DNAH6: variants seen among roughly 807,000 people sequenced by gnomAD.
DNAH6 encodes the protein axonemal beta dynein heavy chain 6.
Under a neutral mutation model 491.4 loss-of-function variants are expected in DNAH6, and 340 were observed. That is an observed-to-expected ratio of 0.69 (90% CI 0.63 to 0.76). The LOEUF is 0.76. DNAH6 is among the 30% of genes least tolerant of loss of function. DNAH6 has a pLI of 0.00. For synonymous variants in DNAH6, 1,603 were observed against 1,686.1 expected, an observed-to-expected ratio of 0.95 and a Z score of 1.21; for missense variants, 4,443 against 4,972.2, an observed-to-expected ratio of 0.89 and a Z score of 3.20.
intron 64 of DNAH6, among the ~76,000 whole-genome samples, chr2:84,767,758 CTG>C (rs1259620434): frequency 6.6e-6 from 1 of 151,954 alleles, no homozygotes; most frequent in East Asian, 1.9e-4. Flanking sequence ...TAAACAATGA[CTG>C]AGAATTTTCC....
chr2:84,529,871 A>G (rs1289985852), intron 4 of DNAH6, among the ~76,000 whole-genome samples: 1 of 152,154 alleles, frequency 6.6e-6, no homozygotes, highest in Non-Finnish European at 1.5e-5. Context: ...ATTCTCCCTT[A>G]TTCAGCACCA....
chr2:84,692,677 G>A (rs1234094908), intron 45 of DNAH6, among the ~76,000 whole-genome samples: 1 of 152,090 alleles, frequency 6.6e-6, no homozygotes, highest in Non-Finnish European at 1.5e-5. Flanking sequence ...GTATAGAGTT[G>A]ATTCTCATAC....
At chr2:84,627,930 A>T (rs548845265) in intron 29 of DNAH6, among the ~76,000 whole-genome samples, 60 of 152,360 alleles carry the variant, frequency 3.9e-4, no homozygotes, top group African/African-American at 1.3e-3. Context: ...TTACTGAGAT[A>T]GTGGGATATC....
chr2:84,699,593 G>C lies in DNAH6; in HGVS notation c.7678-1G>C. 4 of 1,544,300 alleles carry C rather than the reference G, an allele frequency of 2.6e-6. No homozygotes were observed. The highest frequency in any genetic ancestry group is 2.6e-6 in the Non-Finnish European group (3 of 1,143,958). ...TGAAAAAATAACTTTCTTTTTGTCA[G>C]GTGTTTCAATACTTTATCAGCAAAG... is the stretch of plus-strand genomic sequence containing the variant. On this transcript the variant is annotated splice_acceptor_variant, in intron 47 of 76. Coordinates refer to ENST00000389394, the MANE Select transcript of DNAH6 (RefSeq NM_001370.2). LOFTEE classifies it high-confidence loss of function.
intron 44 of DNAH6, among the ~76,000 whole-genome samples, chr2:84,687,871 A>G (rs1694433881): frequency 1.3e-5 from 2 of 152,330 alleles, no homozygotes; most frequent in South Asian, 4.1e-4. Context: ...GATTTTTTAT[A>G]ATAATAGCAG....
chr2:84,620,854 C>A (rs1009254998), intron 24 of DNAH6, among the ~76,000 whole-genome samples: 1 of 152,146 alleles, frequency 6.6e-6, no homozygotes, highest in African/African-American at 2.4e-5. Context: ...GTCATTTGGA[C>A]TTTTCAGTTG....
At position 84,705,669 on chromosome 2, in the gene DNAH6, G is replaced by A. The variant is rs566477121; in HGVS notation, c.8649G>A (p.Met2883Ile). 10 of 1,551,770 alleles carry A rather than the reference G, an allele frequency of 6.4e-6. No individual in the cohort carries two copies. In the East Asian group the frequency reaches 2.4e-4, roughly 38 times the overall value. Residue 2883 changes from methionine (M) to isoleucine (I), a missense_variant, in exon 52 of 77, where the codon ATG (methionine) becomes ATA (isoleucine). Physicochemically the swap from Met to Ile is conservative, Grantham distance 10. Around this residue, in one of 3 missense-constraint regions of DNAH6, gnomAD observed 1,463 missense variants for 1,656.6 expected, o/e 0.88. Coordinates refer to ENST00000389394, the MANE Select transcript of DNAH6 (RefSeq NM_001370.2). ...KVSKACKSMCMWVRAMDLYSR... is the reference protein window; with the variant it reads ...KVSKACKSMCIWVRAMDLYSR... The stretch of plus-strand genomic sequence containing the variant: ...CCAAAGCATGTAAATCTATGTGCAT[G>A]TGGGTAAGAGCTATGGATTTGTACT...
In DNAH6 at chr2:84,579,677, C is replaced by T. The variant is rs147579173; in HGVS notation, c.2227C>T (p.Arg743Trp). The T allele has an allele frequency of 4.4e-5, 70 of 1,578,600 alleles. No individual in the cohort carries two copies. Among genetic ancestry groups the T allele is most frequent in the African/African-American group, 6.8e-5 (5 of 73,136 alleles). Reference protein sequence around the residue: ...SLLFLDEIQERIESLEDEGNI... With the variant: ...SLLFLDEIQEWIESLEDEGNI... Reference sequence around the variant, plus strand: ...ATTATTTCTTGATGAAATTCAGGAACGGGTGAGTTGATTATCTCATATAAC... The same window carrying T: ...ATTATTTCTTGATGAAATTCAGGAATGGGTGAGTTGATTATCTCATATAAC... Residue 743 changes from arginine to tryptophan, a missense_variant and splice_region_variant, in exon 14 of 77, where the codon CGG becomes TGG. Physicochemically the swap from Arg to Trp is moderately radical, Grantham distance 101. Around this residue, in one of 3 missense-constraint regions of DNAH6, gnomAD observed 2,977 missense variants for 3,296.6 expected, o/e 0.90. Coordinates refer to ENST00000389394, the MANE Select transcript of DNAH6 (RefSeq NM_001370.2).
intron 42 of DNAH6, among the ~76,000 whole-genome samples, chr2:84,683,290 T>C (rs1693962425): frequency 6.6e-6 from 1 of 152,154 alleles, no homozygotes; most frequent in South Asian, 2.1e-4. Flanking sequence ...AATGAATGAA[T>C]GTCTAGATGA....
At chr2:84,572,115 C>T (rs2103936601) in intron 11 of DNAH6, among the ~76,000 whole-genome samples, 1 of 152,136 alleles carries the variant, frequency 6.6e-6, no homozygotes, top group South Asian at 2.1e-4. Context: ...TGATTTGGAC[C>T]ATTATACTGT....
chr2:84,696,755 G>T (rs1490816057), intron 46 of DNAH6, among the ~76,000 whole-genome samples: 2 of 151,798 alleles, frequency 1.3e-5, no homozygotes, highest in South Asian at 4.1e-4. Flanking sequence ...TGAAATAAAG[G>T]GTAAACGAGA....
intron 33 of DNAH6, among the ~76,000 whole-genome samples, chr2:84,649,587 G>T (rs1690222658): frequency 6.6e-6 from 1 of 152,114 alleles, no homozygotes; most frequent in Admixed American, 6.5e-5. Flanking sequence ...GGACTTGAAA[G>T]CTGTTGTACC....
the DNAH6 span, among the ~76,000 whole-genome samples, chr2:84,497,672 G>A: frequency 1.3e-5 from 2 of 152,182 alleles, no homozygotes; most frequent in African/African-American, 2.4e-5. Context: ...GTAAAAACAA[G>A]TTGGCAAATT....
upstream of DNAH6, among the ~76,000 whole-genome samples, chr2:84,514,536 C>A (rs2104385637): frequency 6.6e-6 from 1 of 152,244 alleles, no homozygotes; most frequent in East Asian, 1.9e-4. Flanking sequence ...TTGTGAGTAA[C>A]CATTTGTAAC....
chr2:84,756,469 G>T (rs553357491), intron 63 of DNAH6, among the ~76,000 whole-genome samples: 1 of 152,150 alleles, frequency 6.6e-6, no homozygotes, highest in African/African-American at 2.4e-5. Context: ...TTTTCTGTAG[G>T]TCTCAGGAAC....
At chr2:84,741,372 C>A (rs1181475890) in intron 62 of DNAH6, among the ~76,000 whole-genome samples, 1 of 152,138 alleles carries the variant, frequency 6.6e-6, no homozygotes, top group East Asian at 1.9e-4. Flanking sequence ...CTCACAGCAG[C>A]CTGCTACAGA....
intron 7 of DNAH6, 140 bp from the exon 8 acceptor site, chr2:84,548,148 T>C: frequency 2.5e-6 from 2 of 788,256 alleles, no homozygotes; most frequent in Non-Finnish European, 4.0e-6. Context: ...ATAATTGGGC[T>C]GTTTTTCAGG....
At chr2:84,748,133 A>T (rs1257302979) in intron 63 of DNAH6, among the ~76,000 whole-genome samples, 1 of 152,184 alleles carries the variant, frequency 6.6e-6, no homozygotes, top group African/African-American at 2.4e-5. Context: ...CTTGAATGGT[A>T]GCACCTGGCT....
chr2:84,805,860 G>T, intron 71 of DNAH6, 66 bp downstream of exon 71: 1 of 1,409,356 alleles, frequency 7.1e-7, no homozygotes, highest in African/African-American at 1.4e-5. Context: ...AGAACTGAGT[G>T]ATAAACAGGT....
Sources: allele counts gnomAD v4.1 joint callset (sites outside exome capture counted in the v4.1 genomes callset), GRCh38; gene constraint gnomAD v4.1.1; regional missense constraint gnomAD v4.1.1; transcripts MANE v1.5; gene names NCBI Gene and HGNC (gene_info 2026-07-23, HGNC 2026-07-21).